The following PRKCH variants were observed in gnomAD, a reference collection of about 807,000 sequenced individuals.
The protein encoded by PRKCH is protein kinase C eta.
A neutral mutation model predicts 82.5 loss-of-function variants in PRKCH; 28 were observed. That is an observed-to-expected ratio of 0.34 (90% CI 0.25 to 0.47). PRKCH has a LOEUF of 0.47. Ranked by LOEUF, PRKCH falls within the 20% of genes least tolerant of loss-of-function variation. The pLI is 1.00. For synonymous variants in PRKCH, 322 were observed against 327.4 expected, an observed-to-expected ratio of 0.98 and a Z score of 0.18; for missense variants, 705 against 881.8, an observed-to-expected ratio of 0.80 and a Z score of 2.54.
intron 12 of PRKCH, among the ~76,000 whole-genome samples, chr14:61,539,385 C>T (rs745676049): frequency 1.1e-4 from 16 of 152,190 alleles, no homozygotes; most frequent in Non-Finnish European, 1.8e-4. Context: ...AGCACTGCCC[C>T]TGCCCGCTAG....
Position 61,280,994 on chromosome 14 carries a change from C to G in PRKCH, c.-19+93326C>G. Reference sequence around the variant, plus strand: ...ATGCCGTTGGAGGAGTAGTAGAGGCCCAGGCCCAGGCCGATGAAGGCCAGG... The same window carrying G: ...ATGCCGTTGGAGGAGTAGTAGAGGCGCAGGCCCAGGCCGATGAAGGCCAGG... On this transcript the variant is annotated intron_variant, in intron 1 of 3. Transcript: ENST00000555185. The surrounding 1 kb of genome is among the most constrained non-coding windows in gnomAD (Gnocchi z 5.0). 6.5e-7 allele frequency: 1 copy of G among 1,540,164 alleles called. No individual in the cohort carries two copies. Among genetic ancestry groups the G allele is most frequent in the East Asian group, 2.5e-5 (1 of 40,338 alleles).
intron 1 of PRKCH, among the ~76,000 whole-genome samples, chr14:61,330,094 G>A (rs1483329919): frequency 6.6e-6 from 1 of 152,214 alleles, no homozygotes; most frequent in Non-Finnish European, 1.5e-5. Flanking sequence ...CGTAGGGCTT[G>A]TAATTCCAAG....
chr14:61,221,805 T>C (rs922020459), intron 1 of PRKCH, among the ~76,000 whole-genome samples: 13 of 152,190 alleles, frequency 8.5e-5, no homozygotes, highest in African/African-American at 3.1e-4. Context: ...TCCCTTCCTC[T>C]TCCTTCCTGC....
intron 2 of PRKCH, among the ~76,000 whole-genome samples, chr14:61,395,290 G>GCGCCC (rs1555383073): frequency 1.6e-5 from 2 of 124,258 alleles, no homozygotes; most frequent in Non-Finnish European, 3.3e-5. Flanking sequence ...AGGAAATGGA[G>GCGCCC]CCCCCCCCCG....
chr14:61,237,882 A>C (rs1438289603), intron 1 of PRKCH, among the ~76,000 whole-genome samples: 1 of 152,220 alleles, frequency 6.6e-6, no homozygotes, highest in Non-Finnish European at 1.5e-5. Flanking sequence ...TGGCAAAATA[A>C]ACTCCTAAAC....
intron 1 of PRKCH, among the ~76,000 whole-genome samples, chr14:61,375,023 C>T (rs2046411959): frequency 6.6e-6 from 1 of 152,072 alleles, no homozygotes. Flanking sequence ...TTTCTTCACT[C>T]ATATGAGTGT....
chr14:61,284,662 G>T (rs948007360), intron 1 of PRKCH, among the ~76,000 whole-genome samples: 2 of 152,142 alleles, frequency 1.3e-5, no homozygotes, highest in Non-Finnish European at 2.9e-5. Context: ...TACATATGTT[G>T]TGATGTATTA....
At chr14:61,528,973 CGTGTGTGTGTGTGTGTGT>C (rs57920054) in intron 10 of PRKCH, 84 bp from the exon 11 acceptor site, 8 of 567,222 alleles carry the variant, frequency 1.4e-5, no homozygotes, top group South Asian at 9.9e-5. Context: ...TGTGGCCGCA[CGTGTGTGTGTGTGTGTGT>C]GTGTGTGTGT....
At chr14:61,467,947 C>T (rs1315468696) in intron 9 of PRKCH, among the ~76,000 whole-genome samples, 1 of 152,148 alleles carries the variant, frequency 6.6e-6, no homozygotes, top group Admixed American at 6.5e-5. Context: ...AAACAACTTG[C>T]CCCAGATCAC....
chr14:61,376,705 A>G (rs993909599), intron 1 of PRKCH, among the ~76,000 whole-genome samples: 2 of 151,556 alleles, frequency 1.3e-5, no homozygotes, highest in Non-Finnish European at 2.9e-5. Flanking sequence ...CCCCATCTAC[A>G]CCCCTCTAGT....
At chr14:61,266,949 A>G (rs2045108524) in intron 1 of PRKCH, among the ~76,000 whole-genome samples, 1 of 152,034 alleles carries the variant, frequency 6.6e-6, no homozygotes, top group Admixed American at 6.5e-5. Context: ...GTGGGATGGT[A>G]GAGGGTGGGG....
chr14:61,236,794 T>A (rs951565538), intron 1 of PRKCH, among the ~76,000 whole-genome samples: 2 of 149,466 alleles, frequency 1.3e-5, no homozygotes, highest in African/African-American at 2.5e-5. Flanking sequence ...TGACCTCTGG[T>A]GTCCTCGCTG....
At position 61,375,583 on chromosome 14, in the gene PRKCH, G is replaced by A. The variant is rs573675138; in HGVS notation, c.364-15642G>A. 1.4e-4 allele frequency among the ~76,000 whole-genome samples: 22 copies of A among 152,070 alleles called. No homozygotes were observed. In the South Asian group the frequency reaches 1.5e-3, roughly 10 times the overall value. On this transcript the variant is annotated intron_variant, in intron 1 of 13. Transcript: ENST00000332981. ...TAGGAGGTGAGGGGGAAGCAAGCAC[G>A]TCTTATCATGGCAGAGCAGAGAGAG...
intron 1 of PRKCH, among the ~76,000 whole-genome samples, chr14:61,367,538 T>G (rs10438143): frequency 0.16 from 23,815 of 151,672 alleles, 3,642 homozygotes; most frequent in African/African-American, 0.38. Flanking sequence ...AATAAATGTT[T>G]GTTGGAGGAA....
intron 1 of PRKCH, among the ~76,000 whole-genome samples, chr14:61,263,047 G>T (rs2045064404): frequency 6.6e-6 from 1 of 152,056 alleles, no homozygotes; most frequent in Non-Finnish European, 1.5e-5. Context: ...TAGCTAGTTT[G>T]CTAGTTTTAT....
chr14:61,240,487 C>T (rs555783339), intron 1 of PRKCH, among the ~76,000 whole-genome samples: 3 of 152,244 alleles, frequency 2.0e-5, no homozygotes, highest in East Asian at 1.9e-4. Flanking sequence ...ACCTGCCACA[C>T]GTGGTGACAA....
At chr14:61,247,196 A>G (rs2044892862) in intron 1 of PRKCH, among the ~76,000 whole-genome samples, 1 of 152,182 alleles carries the variant, frequency 6.6e-6, no homozygotes, top group Non-Finnish European at 1.5e-5. Context: ...AATATATGAT[A>G]AACTAAACTA....
At chr14:61,539,368 G>A (rs756934652) in intron 12 of PRKCH, among the ~76,000 whole-genome samples, 3 of 152,170 alleles carry the variant, frequency 2.0e-5, no homozygotes, top group Non-Finnish European at 4.4e-5. Context: ...AACCCACCAC[G>A]GATTTGAGCA....
At chr14:61,244,545 C>G (rs2044864842) in intron 1 of PRKCH, among the ~76,000 whole-genome samples, 1 of 152,196 alleles carries the variant, frequency 6.6e-6, no homozygotes, top group South Asian at 2.1e-4. Flanking sequence ...AGGTTTCCAG[C>G]AAATGCCCCT....
Sources: allele counts gnomAD v4.1 joint callset (sites outside exome capture counted in the v4.1 genomes callset), GRCh38; gene constraint gnomAD v4.1.1; non-coding constraint Gnocchi (gnomAD v3.1); transcripts MANE v1.5; gene names NCBI Gene and HGNC (gene_info 2026-07-23, HGNC 2026-07-21).